The following RREB1 variants were observed in gnomAD, a reference collection of about 807,000 sequenced individuals.
RREB1 encodes the protein ras-responsive element-binding protein 1.
RREB1 carries 27 observed loss-of-function variants against 117.8 expected under a neutral mutation model. The ratio of observed to expected loss-of-function variants is 0.23; its 90% confidence interval spans 0.17 to 0.32. The LOEUF (loss-of-function observed/expected upper bound fraction) is 0.32. RREB1 is among the 10% of genes least tolerant of loss of function. The pLI, the probability that RREB1 is intolerant of heterozygous loss-of-function variation, is 1.00. For missense variants in RREB1, 2,577 were observed against 2,378.2 expected (o/e 1.08, Z -1.74); for synonymous variants, 1,298 against 1,026.7 (o/e 1.26, Z -5.05).
At chr6:7,144,703 C>G (rs771969812) in intron 1 of RREB1, among the ~76,000 whole-genome samples, 10 of 151,106 alleles carry the variant, frequency 6.6e-5, no homozygotes, top group Non-Finnish European at 1.2e-4. Flanking sequence ...TTTACATATT[C>G]AACAACTGGT....
intron 11 of RREB1, 76 bp from the exon 12 acceptor site, chr6:7,246,348 A>T: frequency 7.4e-7 from 1 of 1,344,818 alleles, no homozygotes; most frequent in Non-Finnish European, 9.8e-7. Flanking sequence ...GGTCTAGCCC[A>T]TTCCCGGCGA....
At chr6:7,124,741 C>T (rs991796717) in intron 1 of RREB1, among the ~76,000 whole-genome samples, 6 of 152,276 alleles carry the variant, frequency 3.9e-5, no homozygotes, top group Non-Finnish European at 8.8e-5. Context: ...AGTTACCAGC[C>T]GCCTAAATTC....
intron 1 of RREB1, among the ~76,000 whole-genome samples, chr6:7,172,852 C>T (rs796706414): frequency 3.3e-5 from 5 of 152,290 alleles, no homozygotes; most frequent in East Asian, 3.9e-4. Context: ...AGTTTTGCCC[C>T]GAGCTTTGCA....
At chr6:7,142,002 A>C (rs926704034) in intron 1 of RREB1, among the ~76,000 whole-genome samples, 1 of 152,242 alleles carries the variant, frequency 6.6e-6, no homozygotes, top group African/African-American at 2.4e-5. Flanking sequence ...ATCTGAGGTC[A>C]GGAGTTCGAG....
chr6:7,224,215 T>G (rs146279932), intron 8 of RREB1, among the ~76,000 whole-genome samples: 1 of 152,224 alleles, frequency 6.6e-6, no homozygotes, highest in Non-Finnish European at 1.5e-5. Context: ...TTTTGTTTTC[T>G]CTCTTCCCCA....
intron 1 of RREB1, among the ~76,000 whole-genome samples, chr6:7,123,903 G>A (rs958152702): frequency 9.2e-5 from 14 of 152,022 alleles, no homozygotes; most frequent in Admixed American, 2.0e-4. Flanking sequence ...GAGCCACCGC[G>A]CCCGGCCTCA....
In RREB1 at chr6:7,249,101, G is replaced by GAGAGAGAC; in HGVS notation, c.*136_*137insGAGACAGA. On this transcript the variant is annotated 3_prime_UTR_variant, in exon 13 of 13. Transcript: ENST00000379938. ...AGAGAGAGAGAGAGAGAGAGAGAGA[G>GAGAGAGAC]AGACAAGCAGGAGCGTGGCTGCTCG... is the stretch of plus-strand genomic sequence containing the variant. 1 of 592,046 alleles carries GAGAGAGAC rather than the reference G, an allele frequency of 1.7e-6. No homozygotes were observed. Among genetic ancestry groups the GAGAGAGAC allele is most frequent in the African/African-American group, 2.1e-5 (1 of 48,722 alleles). The allele number at this position is 592,046 out of a possible 1,614,324, so 36.7% of individuals were successfully genotyped here. A position where few individuals can be genotyped will look rare whatever the true frequency, so the allele number is the denominator to read the frequency against.
intron 1 of RREB1, among the ~76,000 whole-genome samples, chr6:7,109,382 AC>A (rs1021619493): frequency 6.6e-6 from 1 of 150,642 alleles, no homozygotes; most frequent in Non-Finnish European, 1.5e-5. Context: ...CCCGTCGCCG[AC>A]CCCCTCCCTG....
In RREB1 at chr6:7,231,427, A is replaced by G; in HGVS notation, c.3328A>G (p.Lys1110Glu). The G allele has an allele frequency of 6.2e-7, 1 of 1,613,114 alleles. No individual in the cohort carries two copies. The highest frequency in any genetic ancestry group is 8.5e-7 in the Non-Finnish European group (1 of 1,179,812). ...ASDSLGGSVP[K>E]AATTATPAAT... ...AGACAGCTTAGGAGGTTCTGTCCCC[A>G]AAGCCGCCACCACCGCCACCCCCGC... The change falls in exon 10 of 13, where the codon AAA becomes GAA. Residue 1110 changes from lysine (K) to glutamate (E), a missense_variant. Transcript: ENST00000379938.
intron 10 of RREB1, among the ~76,000 whole-genome samples, chr6:7,233,392 CT>C (rs1357796186): frequency 6.6e-6 from 1 of 152,134 alleles, no homozygotes; most frequent in African/African-American, 2.4e-5. Context: ...TGTTATTGAA[CT>C]AAGCGCAAAT....
At position 7,174,376 on chromosome 6, in the gene RREB1, C is replaced by CAA. The variant is rs1217338842; in HGVS notation, c.-284-2278_-284-2277dup. 2.0e-5 allele frequency among the ~76,000 whole-genome samples: 3 copies of CAA among 152,228 alleles called. No individual in the cohort carries two copies. The East Asian group carries it at 5.8e-4, about 29-fold the overall frequency. On this transcript the variant is annotated intron_variant, in intron 1 of 12. Transcript: ENST00000379938. The stretch of plus-strand genomic sequence containing the variant: ...GGCAAGAGGATGGAAGTTTCAAGGT[C>CAA]AAGTCTCTCAGCCTAGCCCTCTTTC...
chr6:7,210,150 C>T (rs904581345), intron 6 of RREB1, among the ~76,000 whole-genome samples: 2 of 152,230 alleles, frequency 1.3e-5, no homozygotes, highest in Admixed American at 1.3e-4. Flanking sequence ...TAATACTTAA[C>T]TATATGGGTA....
chr6:7,154,763 C>G (rs1020954329), intron 1 of RREB1, among the ~76,000 whole-genome samples: 1 of 152,250 alleles, frequency 6.6e-6, no homozygotes, highest in Non-Finnish European at 1.5e-5. Context: ...CATGCAATTC[C>G]GCTTGTTCAT....
intron 8 of RREB1, chr6:7,218,958 A>G (rs769161699): frequency 5.9e-5 from 9 of 151,990 alleles, no homozygotes; most frequent in Non-Finnish European, 1.3e-4. Flanking sequence ...AATGCTTTTT[A>G]AAATTTTAGG....
chr6:7,190,988 T>C (rs1385741355), intron 6 of RREB1, among the ~76,000 whole-genome samples: 1 of 152,230 alleles, frequency 6.6e-6, no homozygotes, highest in Non-Finnish European at 1.5e-5. Context: ...CCCTAACCAC[T>C]GACCACTGTG....
chr6:7,211,755 G>A (rs1766620664), intron 8 of RREB1, 46 bp downstream of exon 8: 2 of 1,603,796 alleles, frequency 1.2e-6, no homozygotes, highest in Non-Finnish European at 1.7e-6. Flanking sequence ...TGTTTCTCCT[G>A]GCATGTGACA....
intron 6 of RREB1, among the ~76,000 whole-genome samples, chr6:7,200,175 A>G (rs1012101024): frequency 2.2e-5 from 3 of 137,950 alleles, no homozygotes; most frequent in Non-Finnish European, 4.7e-5. Context: ...AGCACAGCTT[A>G]TTTTATATAT....
At chr6:7,154,591 C>T (rs1257604426) in intron 1 of RREB1, among the ~76,000 whole-genome samples, 4 of 152,148 alleles carry the variant, frequency 2.6e-5, no homozygotes, top group Non-Finnish European at 5.9e-5. Flanking sequence ...TTTCTCAGAA[C>T]AGTCATATGA....
chr6:7,245,989 G>A (rs539304997), intron 11 of RREB1, among the ~76,000 whole-genome samples: 1 of 152,226 alleles, frequency 6.6e-6, no homozygotes, highest in Non-Finnish European at 1.5e-5. Context: ...GGGTGGTCCT[G>A]TGTATGTTGC....
Sources: gnomAD v4.1 joint callset for allele counts (sites outside exome capture counted in the v4.1 genomes callset) on GRCh38, gnomAD v4.1.1 for gene constraint, MANE v1.5 for transcripts, NCBI Gene and HGNC (gene_info 2026-07-23, HGNC 2026-07-21) for gene names.